MICAL2: variants seen among roughly 807,000 people sequenced by gnomAD.
The protein encoded by MICAL2 is [F-actin]-monooxygenase MICAL2.
In MICAL2, 77 loss-of-function variants were observed where a neutral mutation model predicts 127.3. The ratio of observed to expected loss-of-function variants is 0.60; its 90% CI spans 0.50 to 0.73. The LOEUF (loss-of-function observed/expected upper bound fraction) is 0.73. Ranked by LOEUF, MICAL2 falls within the 30% of genes least tolerant of loss-of-function variation. The probability of loss-of-function intolerance (pLI) is 0.00; values close to 1 mark genes in which losing one functional copy is unlikely to be tolerated. For missense variants in MICAL2, 1,351 were observed against 1,434.4 expected, an observed-to-expected ratio of 0.94 and a Z score of 0.94; for synonymous variants, 570 against 551.1, an observed-to-expected ratio of 1.03 and a Z score of -0.48.
At chr11:12,132,672 G>A (rs1018778506) in intron 1 of MICAL2, among the ~76,000 whole-genome samples, 1 of 152,192 alleles carries the variant, frequency 6.6e-6, no homozygotes, top group African/African-American at 2.4e-5. Context: ...CTTCCTGCTT[G>A]GGATGGCTTC....
At chr11:12,233,239 A>G (rs868042613) in intron 15 of MICAL2, among the ~76,000 whole-genome samples, 2 of 152,256 alleles carry the variant, frequency 1.3e-5, no homozygotes, top group African/African-American at 4.8e-5. Context: ...CCCTTCTTAT[A>G]GTTAAGGAAA....
At chr11:12,115,493 A>G (rs879792888) in intron 1 of MICAL2, among the ~76,000 whole-genome samples, 2 of 149,342 alleles carry the variant, frequency 1.3e-5, no homozygotes, top group Non-Finnish European at 3.0e-5. Context: ...TTTATTTTTT[A>G]TTTTTGGTAG....
intron 4 of MICAL2, among the ~76,000 whole-genome samples, chr11:12,205,163 G>T (rs1042928521): frequency 1.3e-5 from 2 of 152,208 alleles, no homozygotes; most frequent in African/African-American, 4.8e-5. Flanking sequence ...ATCCCTGAAT[G>T]CTTATATAGG....
At chr11:12,179,678 T>C (rs537641733) in intron 3 of MICAL2, among the ~76,000 whole-genome samples, 3 of 152,324 alleles carry the variant, frequency 2.0e-5, no homozygotes, top group South Asian at 2.1e-4. Context: ...GACTTCAGGC[T>C]GGCCCCACCC....
In MICAL2 at chr11:12,354,892, C is replaced by T. The variant is rs759591424; in HGVS notation, c.5689+35C>T. 9.4e-6 allele frequency: 15 copies of T among 1,588,762 alleles called. 1 individual carries two copies. The South Asian group carries it at 1.6e-4, about 17-fold the overall frequency. On this transcript the variant is annotated intron_variant, in intron 34 of 34. Transcript: ENST00000646065. ...CTTGGGCCTTTGTTGAGAACTTCCC[C>T]CTAGAAAGGCTCCTGAGCAGCGTGT...
At chr11:12,121,947 G>C (rs1438863763) in intron 1 of MICAL2, among the ~76,000 whole-genome samples, 2 of 152,188 alleles carry the variant, frequency 1.3e-5, no homozygotes, top group Non-Finnish European at 2.9e-5. Flanking sequence ...CACTGAAATG[G>C]GCTTGCTTTC....
intron 6 of MICAL2, among the ~76,000 whole-genome samples, chr11:12,212,846 A>G (rs752059992): frequency 3.3e-5 from 5 of 152,204 alleles, no homozygotes; most frequent in Non-Finnish European, 7.3e-5. Context: ...AATGTGATCT[A>G]CTTTTCAAGG....
At chr11:12,213,510 G>C in intron 7 of MICAL2, 100 bp downstream of exon 7, 2 of 1,223,924 alleles carry the variant, frequency 1.6e-6, no homozygotes, top group Non-Finnish European at 2.3e-6. Context: ...CTTGGGCCTC[G>C]AGGGACTCAC....
chr11:12,169,244 C>T lies in MICAL2; in HGVS notation c.264+6825C>T, dbSNP rs558646730. On this transcript the variant is annotated intron_variant, in intron 3 of 27. Coordinates refer to ENST00000683283, the MANE Select transcript of MICAL2 (RefSeq NM_001282663.2). ...AAAAATCTACACACATTTTTTTCTA[C>T]ACTGGTTCTGAACTTTTTTCACTGA... Among the ~76,000 whole-genome samples the T allele has an allele frequency of 2.9e-3, 434 of 151,268 alleles. 2 individuals are homozygous for T. The highest frequency in any genetic ancestry group is 4.5e-3 in the Non-Finnish European group (304 of 67,722).
chr11:12,298,914 G>A (rs116602514), intron 29 of MICAL2, among the ~76,000 whole-genome samples: 381 of 152,082 alleles, frequency 2.5e-3, no homozygotes, highest in African/African-American at 8.6e-3. Flanking sequence ...GATTATGTTT[G>A]ATAATTTATT....
intron 32 of MICAL2, among the ~76,000 whole-genome samples, chr11:12,347,802 T>G (rs1296335450): frequency 6.6e-6 from 1 of 152,140 alleles, no homozygotes; most frequent in Non-Finnish European, 1.5e-5. Context: ...TATGTGGGAC[T>G]GGGTCAGAAC....
chr11:12,133,436 C>A (rs1851586091), intron 1 of MICAL2, among the ~76,000 whole-genome samples: 1 of 152,086 alleles, frequency 6.6e-6, no homozygotes, highest in Non-Finnish European at 1.5e-5. Flanking sequence ...GCTTCCTTTC[C>A]TGAAGGGAAT....
intron 15 of MICAL2, among the ~76,000 whole-genome samples, chr11:12,235,376 G>A (rs993607695): frequency 2.6e-5 from 4 of 152,172 alleles, no homozygotes; most frequent in African/African-American, 7.2e-5. Flanking sequence ...GATGCAGGCA[G>A]CAGAGAGTGG....
downstream of MICAL2, chr11:12,292,291 G>A (rs199655140): frequency 1.3e-4 from 205 of 1,613,728 alleles, no homozygotes; most frequent in Non-Finnish European, 1.6e-4. Flanking sequence ...GTTCCTCCCC[G>A]CCTCAGGTGA....
chr11:12,195,049 G>C (rs982874112), intron 3 of MICAL2, among the ~76,000 whole-genome samples: 1 of 152,152 alleles, frequency 6.6e-6, no homozygotes. Flanking sequence ...ATGATCGCTT[G>C]AGGGCCCACC....
downstream of MICAL2, chr11:12,292,424 A>T: frequency 5.9e-6 from 6 of 1,020,866 alleles, no homozygotes; most frequent in Non-Finnish European, 8.8e-6. Context: ...CCAGCGCCAG[A>T]AGATACTCTG....
At chr11:12,143,010 C>A (rs1481644847) in intron 2 of MICAL2, among the ~76,000 whole-genome samples, 2 of 152,166 alleles carry the variant, frequency 1.3e-5, no homozygotes, top group African/African-American at 2.4e-5. Context: ...AAGACCTAGT[C>A]CCTTTACTCC....
At chr11:12,301,366 G>C (rs767462225) in intron 29 of MICAL2, among the ~76,000 whole-genome samples, 75 of 152,270 alleles carry the variant, frequency 4.9e-4, no homozygotes, top group Non-Finnish European at 9.4e-4. Context: ...TTATTCCATT[G>C]TATGACTATA....
rs144579673 is a variant in MICAL2, at chr11:12,277,363, A to G, written c.87+1197A>G. Among the ~76,000 whole-genome samples the G allele has an allele frequency of 8.7e-3, 1,321 of 152,254 alleles. 24 individuals carry two copies. Among genetic ancestry groups the G allele is most frequent in the African/African-American group, 0.031 (1,277 of 41,550 alleles). ...ATGTCACAAGGCCTAAACAGATTCA[A>G]CAAGTGGGGAATAGGCTGCTCTCTT... On this transcript the variant is annotated intron_variant, in intron 1 of 2. Coordinates refer to the MICAL2 transcript ENST00000529028.
Sources: allele counts gnomAD v4.1 joint callset (sites outside exome capture counted in the v4.1 genomes callset), GRCh38; gene constraint gnomAD v4.1.1; transcripts MANE v1.5; gene names NCBI Gene and HGNC (gene_info 2026-07-23, HGNC 2026-07-21).